Variants in SPRED2 observed in about 807,000 individuals in gnomAD.
SPRED2 encodes sprouty related EVH1 domain containing 2.
A neutral mutation model predicts 43.0 loss-of-function variants in SPRED2; 47 were observed. The observed-to-expected ratio is 1.09, with a 90% CI of 0.87 to 1.40. SPRED2 has a LOEUF of 1.40. Among genes scored for constraint, SPRED2 ranks in the 40% most tolerant of loss-of-function variants. The pLI, the probability that SPRED2 is intolerant of heterozygous loss-of-function variation, is 0.00. For synonymous variants in SPRED2, 225 were observed against 225.7 expected (o/e 1.00, Z 0.03); for missense variants, 561 against 586.4 (o/e 0.96, Z 0.45).
At chr2:65,324,740 C>CT (rs1411769403) in intron 4 of SPRED2, among the ~76,000 whole-genome samples, 1 of 152,130 alleles carries the variant, frequency 6.6e-6, no homozygotes, top group Non-Finnish European at 1.5e-5. Context: ...GCCAGACGAG[C>CT]TGAGGAGACA....
intron 4 of SPRED2, among the ~76,000 whole-genome samples, chr2:65,328,714 A>G (rs1376381111): frequency 1.3e-5 from 2 of 152,200 alleles, no homozygotes; most frequent in African/African-American, 4.8e-5. Flanking sequence ...AGGAGAATCC[A>G]GTTTAGAATG....
chr2:65,354,349 T>A (rs1674587911), intron 1 of SPRED2, among the ~76,000 whole-genome samples: 1 of 152,244 alleles, frequency 6.6e-6, no homozygotes, highest in Non-Finnish European at 1.5e-5. Context: ...CCAGGCACAC[T>A]GGAAGTTACC....
intron 1 of SPRED2, among the ~76,000 whole-genome samples, chr2:65,388,310 T>G (rs1181417692): frequency 6.6e-6 from 1 of 152,208 alleles, no homozygotes; most frequent in Admixed American, 6.5e-5. Flanking sequence ...GCGTGTCTCC[T>G]ATTAGGGGCC....
chr2:65,313,655 T>C lies in SPRED2; in HGVS notation c.1103A>G (p.Asp368Gly). 1 of 1,614,156 alleles carries C rather than the reference T, an allele frequency of 6.2e-7. No homozygotes were observed. The highest frequency in any genetic ancestry group is 8.5e-7 in the Non-Finnish European group (1 of 1,180,020). ...GAGGCAAAACTTCTCGTCGCTAGTA[T>C]CGCACGAGCAAGGGTCTGTATAGTC... ...EGDYTDPCSC[D>G]TSDEKFCLRW... The change falls in exon 6 of 6, where the codon GAT becomes GGT. Residue 368 changes from aspartate to glycine, a missense_variant. Asp to Gly is a moderately conservative substitution (Grantham distance 94). Transcript: ENST00000356388.
At chr2:65,382,248 G>A (rs1191675020) in intron 1 of SPRED2, among the ~76,000 whole-genome samples, 1 of 150,838 alleles carries the variant, frequency 6.6e-6, no homozygotes, top group Non-Finnish European at 1.5e-5. Flanking sequence ...GAAGGGAAGA[G>A]TTCTGCATTT....
chr2:65,311,377 G>C lies in SPRED2; in HGVS notation c.*2124C>G, dbSNP rs1202081705. On this transcript the variant is annotated 3_prime_UTR_variant, in exon 6 of 6. Transcript: ENST00000356388. Reference sequence around the variant, plus strand: ...GCGTAACTCTTAAAAGGGTGGAAAAGGACAAGGGGTGAAAGAAGAGAGAAA... The same window carrying C: ...GCGTAACTCTTAAAAGGGTGGAAAACGACAAGGGGTGAAAGAAGAGAGAAA... The C allele has an allele frequency of 1.0e-6, 1 of 985,710 alleles. No homozygotes were observed. Among genetic ancestry groups the C allele is most frequent in the East Asian group, 1.1e-4 (1 of 8,828 alleles). 61.1% of individuals were successfully genotyped at this position (985,710 alleles called of 1,614,324 possible).
chr2:65,374,878 G>C (rs1675202662), intron 1 of SPRED2, among the ~76,000 whole-genome samples: 1 of 152,206 alleles, frequency 6.6e-6, no homozygotes, highest in South Asian at 2.1e-4. Context: ...AACTTGTTTC[G>C]AGTATCTCCT....
intron 4 of SPRED2, among the ~76,000 whole-genome samples, chr2:65,318,165 T>A (rs1005379353): frequency 6.6e-6 from 1 of 152,194 alleles, no homozygotes; most frequent in South Asian, 2.1e-4. Context: ...AAGCTCTTTT[T>A]TTGCCTGCCA....
chr2:65,346,543 T>C (rs1455411708), intron 1 of SPRED2, among the ~76,000 whole-genome samples: 3 of 152,150 alleles, frequency 2.0e-5, no homozygotes, highest in Non-Finnish European at 4.4e-5. Context: ...CCTCAGCCCC[T>C]GGCACCCACC....
Position 65,338,196 on chromosome 2 carries a change from GTCTCCCTCTCCCTCTCCCGTCTCCC to G in SPRED2, c.205-3448_205-3424del, listed in dbSNP as rs1558657745. Reference sequence around the variant, plus strand: ...TCTCCCGTCTCCCTCTCCCTCTCCCGTCTCCCTCTCCCTCTCCCGTCTCCCTCTCCCTCTCCCGTCTCCCTCTCCC... The same window carrying G: ...TCTCCCGTCTCCCTCTCCCTCTCCCGTCTCCCTCTCCCGTCTCCCTCTCCC... On this transcript the variant is annotated intron_variant, in intron 2 of 5. Coordinates refer to ENST00000356388, the MANE Select transcript of SPRED2 (RefSeq NM_181784.3). 4.2e-3 allele frequency among the ~76,000 whole-genome samples: 364 copies of G among 86,648 alleles called. 8 individuals carry two copies. The highest frequency in any genetic ancestry group is 5.7e-3 in the Non-Finnish European group (237 of 41,812). 56.8% of individuals were successfully genotyped at this position (86,648 alleles called of 152,430 possible). A position where few individuals can be genotyped will look rare whatever the true frequency, so the allele number is the denominator to read the frequency against.
At chr2:65,389,941 C>A (rs1473772215) in intron 1 of SPRED2, among the ~76,000 whole-genome samples, 1 of 152,182 alleles carries the variant, frequency 6.6e-6, no homozygotes, top group African/African-American at 2.4e-5. Context: ...AAACAATAAA[C>A]CCACTACTCA....
intron 1 of SPRED2, among the ~76,000 whole-genome samples, chr2:65,389,817 A>G (rs1047599120): frequency 6.6e-6 from 1 of 152,230 alleles, no homozygotes; most frequent in Non-Finnish European, 1.5e-5. Flanking sequence ...ACTTTGAAGG[A>G]GTGAGAAATT....
intron 2 of SPRED2, among the ~76,000 whole-genome samples, chr2:65,342,746 T>C (rs867577173): frequency 4.7e-4 from 72 of 152,222 alleles, no homozygotes; most frequent in African/African-American, 1.7e-3. Context: ...CATATGAGAA[T>C]GTTAGGGCAA....
At chr2:65,357,277 T>C (rs922636051) in intron 1 of SPRED2, among the ~76,000 whole-genome samples, 12 of 152,194 alleles carry the variant, frequency 7.9e-5, no homozygotes, top group African/African-American at 2.9e-4. Flanking sequence ...AAGGCACCTG[T>C]TCTCCCTGAA....
chr2:65,379,796 G>C (rs1675329814), intron 1 of SPRED2, among the ~76,000 whole-genome samples: 1 of 152,164 alleles, frequency 6.6e-6, no homozygotes, highest in African/African-American at 2.4e-5. Context: ...CTTTAGGATA[G>C]AATGAACATG....
At chr2:65,331,613 T>A (rs908508838) in intron 4 of SPRED2, among the ~76,000 whole-genome samples, 5 of 152,260 alleles carry the variant, frequency 3.3e-5, no homozygotes, top group African/African-American at 9.6e-5. Context: ...GGCAAGCGAT[T>A]GTCCTGGCTT....
chr2:65,311,442 TG>T lies in SPRED2; in HGVS notation c.*2058del, dbSNP rs1673064452. ...ATAGAGGTGACAAACAAAAAACAGCTGGGATATGTGCGTTCTTATTGAAATA... is the reference window on the plus strand; with the variant it reads ...ATAGAGGTGACAAACAAAAAACAGCTGGATATGTGCGTTCTTATTGAAATA... On this transcript the variant is annotated 3_prime_UTR_variant, in exon 6 of 6. Transcript: ENST00000356388. 1 of 985,626 alleles carries T rather than the reference TG, an allele frequency of 1.0e-6. No individual in the cohort carries two copies. The highest frequency in any genetic ancestry group is 1.7e-5 in the African/African-American group (1 of 57,192). 61.1% of individuals were successfully genotyped at this position (985,626 alleles called of 1,614,324 possible). A position where few individuals can be genotyped will look rare whatever the true frequency, so the allele number is the denominator to read the frequency against.
chr2:65,393,194 C>T (rs1675677115), intron 1 of SPRED2, among the ~76,000 whole-genome samples: 1 of 152,108 alleles, frequency 6.6e-6, no homozygotes, highest in Non-Finnish European at 1.5e-5. Flanking sequence ...GTAAAAAACC[C>T]AATGTTGCGA....
downstream of SPRED2, among the ~76,000 whole-genome samples, chr2:65,309,758 A>G (rs1188196931): frequency 6.6e-6 from 1 of 152,164 alleles, no homozygotes; most frequent in South Asian, 2.1e-4. Flanking sequence ...GTTCCGGCCT[A>G]GCACATAGGA....
Sources: gnomAD v4.1 joint callset for allele counts (sites outside exome capture counted in the v4.1 genomes callset) on GRCh38, gnomAD v4.1.1 for gene constraint, MANE v1.5 for transcripts, NCBI Gene and HGNC (gene_info 2026-07-23, HGNC 2026-07-21) for gene names.